The following SH3RF3 variants were observed in gnomAD, a reference collection of about 807,000 sequenced individuals.
The protein encoded by SH3RF3 is E3 ubiquitin-protein ligase SH3RF3.
Under a neutral mutation model 66.3 loss-of-function variants are expected in SH3RF3, and 29 were observed. That is an observed-to-expected ratio of 0.44 (90% CI 0.33 to 0.60). The LOEUF (loss-of-function observed/expected upper bound fraction) is 0.60. Ranked by LOEUF, SH3RF3 falls within the 20% of genes least tolerant of loss-of-function variation. The pLI is 0.04. For missense variants in SH3RF3, 1,194 were observed against 1,190.9 expected (o/e 1.00, Z -0.04); for synonymous variants, 583 against 532.0 (o/e 1.10, Z -1.32).
intron 9 of SH3RF3, among the ~76,000 whole-genome samples, chr2:109,496,335 T>C (rs1329693090): frequency 6.6e-6 from 1 of 152,226 alleles, no homozygotes; most frequent in East Asian, 1.9e-4. Context: ...TTTACAATCC[T>C]CTTGCTAGCT....
chr2:109,465,527 G>C (rs150066881), intron 8 of SH3RF3, among the ~76,000 whole-genome samples: 5 of 152,294 alleles, frequency 3.3e-5, no homozygotes, highest in African/African-American at 1.2e-4. Flanking sequence ...CATCCTAATA[G>C]TTATGTAGTG....
chr2:109,280,099 T>C (rs1292549055), intron 1 of SH3RF3, among the ~76,000 whole-genome samples: 1 of 152,160 alleles, frequency 6.6e-6, no homozygotes, highest in African/African-American at 2.4e-5. Context: ...AGAGTTCTTT[T>C]TTTCTGCATG....
At chr2:109,285,883 C>G (rs1168085519) in intron 1 of SH3RF3, among the ~76,000 whole-genome samples, 2 of 152,188 alleles carry the variant, frequency 1.3e-5, no homozygotes, top group Non-Finnish European at 2.9e-5. Context: ...TCCCATGCCC[C>G]CAGCGTGCCT....
At chr2:109,454,493 CA>C (rs1307539715) in intron 8 of SH3RF3, among the ~76,000 whole-genome samples, 2 of 152,214 alleles carry the variant, frequency 1.3e-5, no homozygotes, top group African/African-American at 4.8e-5. Context: ...TGTCCCTGTG[CA>C]GTTGACCAAG....
chr2:109,198,369 TAAAC>T (rs1678556433), intron 1 of SH3RF3, among the ~76,000 whole-genome samples: 1 of 49,890 alleles, frequency 2.0e-5, no homozygotes, highest in Non-Finnish European at 4.4e-5. Context: ...TGTGACAACT[TAAAC>T]AAAACTCAGT....
intron 3 of SH3RF3, among the ~76,000 whole-genome samples, chr2:109,394,873 G>A (rs548314757): frequency 9.9e-4 from 151 of 152,364 alleles, no homozygotes; most frequent in African/African-American, 3.4e-3. Context: ...AACTTGCAGA[G>A]TGAGGAGCTG....
chr2:109,309,849 G>T (rs1329565826), intron 1 of SH3RF3, among the ~76,000 whole-genome samples: 1 of 112,976 alleles, frequency 8.9e-6, no homozygotes, highest in East Asian at 2.7e-4. Context: ...AGCAAGTCCT[G>T]AGTGACCTAC....
intron 2 of SH3RF3, among the ~76,000 whole-genome samples, chr2:109,363,839 C>T (rs1372971019): frequency 2.0e-5 from 3 of 152,182 alleles, no homozygotes; most frequent in Non-Finnish European, 2.9e-5. Flanking sequence ...TTTTCCTTTG[C>T]TCCTTTATAG....
intron 1 of SH3RF3, among the ~76,000 whole-genome samples, chr2:109,289,827 A>C (rs190568067): frequency 6.6e-6 from 1 of 152,172 alleles, no homozygotes; most frequent in Non-Finnish European, 1.5e-5. Flanking sequence ...CGGGAAATCA[A>C]CTAACTTTCT....
chr2:109,493,470 T>C (rs906865769), intron 9 of SH3RF3, among the ~76,000 whole-genome samples: 2 of 149,690 alleles, frequency 1.3e-5, no homozygotes, highest in Non-Finnish European at 3.0e-5. Flanking sequence ...ACACTATACA[T>C]ACAAACACAT....
intron 4 of SH3RF3, among the ~76,000 whole-genome samples, chr2:109,412,372 G>T (rs985409429): frequency 2.0e-5 from 3 of 152,252 alleles, no homozygotes; most frequent in Non-Finnish European, 2.9e-5. Flanking sequence ...TGTGGCCCCA[G>T]CGTGGCTCTG....
At chr2:109,314,464 C>T (rs908128804) in intron 1 of SH3RF3, among the ~76,000 whole-genome samples, 1 of 152,140 alleles carries the variant, frequency 6.6e-6, no homozygotes, top group Non-Finnish European at 1.5e-5. Context: ...CTGGGGAAAG[C>T]AGGTCAGCCT....
chr2:109,160,492 C>T (rs959170384), intron 1 of SH3RF3, among the ~76,000 whole-genome samples: 2 of 152,256 alleles, frequency 1.3e-5, no homozygotes, highest in South Asian at 2.1e-4. Context: ...GAAAGACCCT[C>T]TGGCAGGGAG....
intron 1 of SH3RF3, among the ~76,000 whole-genome samples, chr2:109,171,370 C>T (rs2104947820): frequency 6.6e-6 from 1 of 152,290 alleles, no homozygotes; most frequent in African/African-American, 2.4e-5. Flanking sequence ...AAAATGATGG[C>T]TATTTGTTGT....
intron 1 of SH3RF3, among the ~76,000 whole-genome samples, chr2:109,203,878 C>T (rs774076192): frequency 6.6e-6 from 1 of 152,226 alleles, no homozygotes; most frequent in Non-Finnish European, 1.5e-5. Context: ...TTCTTGTTCC[C>T]TGTGCGGCCT....
chr2:109,134,349 G>C (rs944642622), intron 1 of SH3RF3, among the ~76,000 whole-genome samples: 4 of 152,116 alleles, frequency 2.6e-5, no homozygotes, highest in African/African-American at 9.7e-5. Context: ...GGCACTTGGG[G>C]GCCTCACCAA....
At chr2:109,469,804 C>T (rs959755499) in intron 8 of SH3RF3, among the ~76,000 whole-genome samples, 1 of 152,338 alleles carries the variant, frequency 6.6e-6, no homozygotes, top group African/African-American at 2.4e-5. Context: ...TGCTTTTCCT[C>T]AGAAGGTAGA....
chr2:109,296,929 T>C (rs1681325643), intron 1 of SH3RF3, among the ~76,000 whole-genome samples: 1 of 152,104 alleles, frequency 6.6e-6, no homozygotes, highest in Non-Finnish European at 1.5e-5. Context: ...GGCTGCAGTG[T>C]GGATTAACTA....
intron 1 of SH3RF3, among the ~76,000 whole-genome samples, chr2:109,344,033 C>T (rs551044558): frequency 2.2e-4 from 34 of 152,316 alleles, no homozygotes; most frequent in African/African-American, 7.2e-4. Context: ...CGTGAGCCAC[C>T]ATACCCGTCC....
Sources: gnomAD v4.1 joint callset for allele counts (sites outside exome capture counted in the v4.1 genomes callset) on GRCh38, gnomAD v4.1.1 for gene constraint, MANE v1.5 for transcripts, NCBI Gene and HGNC (gene_info 2026-07-23, HGNC 2026-07-21) for gene names.